The following MAGI2 variants were observed in gnomAD, a reference collection of about 807,000 sequenced individuals.
MAGI2 encodes membrane-associated guanylate kinase, WW and PDZ domain-containing protein 2.
MAGI2 carries 35 observed loss-of-function variants against 133.3 expected under a neutral mutation model. The ratio of observed to expected loss-of-function variants is 0.26; its 90% CI spans 0.20 to 0.35. MAGI2 has a LOEUF of 0.35. Ranked by LOEUF, MAGI2 falls within the 10% of genes least tolerant of loss-of-function variation. The pLI is 1.00. For synonymous variants in MAGI2, 729 were observed against 710.6 expected (o/e 1.03, Z -0.41); for missense variants, 1,636 against 1,863.4 (o/e 0.88, Z 2.25).
intron 2 of MAGI2, among the ~76,000 whole-genome samples, chr7:78,819,483 T>C (rs1789898533): frequency 6.6e-6 from 1 of 152,094 alleles, no homozygotes; most frequent in Non-Finnish European, 1.5e-5. Context: ...CTCTCATGTA[T>C]TTATTTTTAA....
At chr7:78,282,630 A>G (rs798334) in intron 9 of MAGI2, among the ~76,000 whole-genome samples, 40,503 of 152,034 alleles carry the variant, frequency 0.27, 7,424 homozygotes, top group African/African-American at 0.52. Flanking sequence ...AATTTTCTGC[A>G]TACAATTCCT....
At chr7:78,595,906 G>C (rs1449948738) in intron 3 of MAGI2, among the ~76,000 whole-genome samples, 1 of 152,088 alleles carries the variant, frequency 6.6e-6, no homozygotes, top group African/African-American at 2.4e-5. Context: ...CAATACAAAG[G>C]AAGTATAACA....
chr7:79,249,912 A>C (rs1261604333), intron 1 of MAGI2, among the ~76,000 whole-genome samples: 4 of 152,074 alleles, frequency 2.6e-5, no homozygotes, highest in Non-Finnish European at 4.4e-5. Context: ...ACAACAACAA[A>C]ACTAGCAAAC....
chr7:79,436,603 G>C (rs948898548), intron 1 of MAGI2, among the ~76,000 whole-genome samples: 2 of 151,952 alleles, frequency 1.3e-5, no homozygotes, highest in African/African-American at 4.8e-5. Context: ...AAAATACTGA[G>C]CATGACTAAT....
In MAGI2 at chr7:78,256,242, G is replaced by A. The variant is rs147728886; in HGVS notation, c.1748C>T (p.Pro583Leu). The change falls in exon 10 of 22, where the codon CCA becomes CTA. Residue 583 changes from proline (P) to leucine (L), a missense_variant. Around this residue, in one of 5 missense-constraint regions of MAGI2, gnomAD observed 920 missense variants for 1,093.5 expected, o/e 0.84. Coordinates refer to ENST00000354212, the MANE Select transcript of MAGI2 (RefSeq NM_012301.4). ...PTDGQLDGTYPPPVHDDNVSM... is the reference protein window; with the variant it reads ...PTDGQLDGTYLPPVHDDNVSM... ...CACATTGTCATCATGGACGGGCGGT[G>A]GATACGTGCCGTCTAGCTGACCATC... 2.5e-6 allele frequency: 4 copies of A among 1,613,958 alleles called. No individual in the cohort carries two copies. The highest frequency in any genetic ancestry group is 3.4e-6 in the Non-Finnish European group (4 of 1,180,006).
intron 2 of MAGI2, among the ~76,000 whole-genome samples, chr7:78,777,459 A>T (rs1257168480): frequency 6.6e-6 from 1 of 152,132 alleles, no homozygotes; most frequent in Non-Finnish European, 1.5e-5. Flanking sequence ...CACCACCATT[A>T]TCACTGTCAC....
chr7:79,204,093 G>A (rs1054086963), intron 1 of MAGI2, among the ~76,000 whole-genome samples: 5 of 152,064 alleles, frequency 3.3e-5, no homozygotes, highest in Admixed American at 2.6e-4. Flanking sequence ...TTCACATGGT[G>A]GGAAAAGAGA....
intron 1 of MAGI2, among the ~76,000 whole-genome samples, chr7:79,204,994 G>C (rs1828920584): frequency 6.6e-6 from 1 of 151,600 alleles, no homozygotes; most frequent in South Asian, 2.1e-4. Context: ...ATCATCAAAA[G>C]AGCACATTTT....
At chr7:78,864,570 G>A (rs759927897) in intron 2 of MAGI2, among the ~76,000 whole-genome samples, 3 of 152,136 alleles carry the variant, frequency 2.0e-5, no homozygotes, top group African/African-American at 4.8e-5. Context: ...CACTGCCATT[G>A]AGTACTGTTC....
chr7:78,133,132 A>G, intron 17 of MAGI2, 72 bp from the exon 18 acceptor site: 1 of 1,296,946 alleles, frequency 7.7e-7, no homozygotes, highest in Non-Finnish European at 1.0e-6. Context: ...GACTAGAGGC[A>G]GTGACTTTGC....
chr7:78,452,487 T>C (rs4623346), intron 6 of MAGI2, among the ~76,000 whole-genome samples: 117,058 of 151,752 alleles, frequency 0.77, 47,871 homozygotes, highest in Non-Finnish European at 0.91. Context: ...ATCTATGTGC[T>C]AATAGTTTTG....
chr7:78,291,166 A>G (rs917488292), intron 9 of MAGI2, among the ~76,000 whole-genome samples: 3 of 152,164 alleles, frequency 2.0e-5, no homozygotes, highest in African/African-American at 7.2e-5. Flanking sequence ...AAAGATCAAC[A>G]AAACTGATAG....
At chr7:78,685,705 T>G (rs1459745435) in intron 2 of MAGI2, among the ~76,000 whole-genome samples, 1 of 151,966 alleles carries the variant, frequency 6.6e-6, no homozygotes, top group East Asian at 1.9e-4. Context: ...TCAACAATAC[T>G]TGCTATTTTT....
intron 10 of MAGI2, chr7:78,251,898 T>C (rs1299243514): frequency 6.6e-6 from 1 of 152,154 alleles, no homozygotes; most frequent in Non-Finnish European, 1.5e-5. Flanking sequence ...ATCCCAACTT[T>C]GGCGGGTAGA....
At chr7:79,030,493 A>C (rs1433392527) in intron 1 of MAGI2, 1 of 152,238 alleles carries the variant, frequency 6.6e-6, no homozygotes, top group African/African-American at 2.4e-5. Flanking sequence ...ACAGGGACGT[A>C]GTTCTCCGTT....
intron 14 of MAGI2, among the ~76,000 whole-genome samples, chr7:78,174,176 T>C (rs1826373465): frequency 6.6e-6 from 1 of 152,204 alleles, no homozygotes; most frequent in Non-Finnish European, 1.5e-5. Context: ...CAATTCCATT[T>C]AATAAATATT....
chr7:79,135,227 G>GAA (rs34131037), intron 1 of MAGI2, among the ~76,000 whole-genome samples: 46 of 151,604 alleles, frequency 3.0e-4, no homozygotes, highest in East Asian at 2.3e-3. Context: ...AAAACTGTAG[G>GAA]AAAAAAAACA....
chr7:78,676,524 T>G (rs1815044646), intron 2 of MAGI2, among the ~76,000 whole-genome samples: 1 of 152,130 alleles, frequency 6.6e-6, no homozygotes, highest in South Asian at 2.1e-4. Context: ...TCGATGCTTT[T>G]TTAAAGTATA....
In MAGI2 at chr7:78,040,671, A is replaced by G. The variant is rs139367374; in HGVS notation, c.3707-20695T>C. 5.3e-5 allele frequency among the ~76,000 whole-genome samples: 8 copies of G among 152,270 alleles called. No homozygotes were observed. In the East Asian group the frequency reaches 1.5e-3, roughly 29 times the overall value. The stretch of plus-strand genomic sequence containing the variant: ...CGGGGCAGGTCACCTCGCCTTGGAG[A>G]CAGCCCTGAGTCAGGTCAGGTGGCA... On this transcript the variant is annotated intron_variant, in intron 21 of 21. Transcript: ENST00000354212.
Sources: allele counts gnomAD v4.1 joint callset (sites outside exome capture counted in the v4.1 genomes callset), GRCh38; gene constraint gnomAD v4.1.1; regional missense constraint gnomAD v4.1.1; transcripts MANE v1.5; gene names NCBI Gene and HGNC (gene_info 2026-07-23, HGNC 2026-07-21).